The following TEX10 variants were observed in gnomAD, a reference collection of about 807,000 sequenced individuals.
The protein encoded by TEX10 is testis-expressed protein 10.
Under a neutral mutation model 104.4 loss-of-function variants are expected in TEX10, and 24 were observed. The ratio of observed to expected loss-of-function variants is 0.23; its 90% CI spans 0.17 to 0.32. The LOEUF (loss-of-function observed/expected upper bound fraction) is 0.32, where lower values mean the gene tolerates loss of function less well. TEX10 is among the 10% of genes least tolerant of loss of function. The pLI is 1.00. For synonymous variants in TEX10, 396 were observed against 393.4 expected (o/e 1.01, Z -0.08); for missense variants, 921 against 1,083.9 (o/e 0.85, Z 2.11).
In TEX10 at chr9:100,335,770, A is replaced by C. The variant is rs189327895; in HGVS notation, c.1250+4487T>G. 1.1e-3 allele frequency among the ~76,000 whole-genome samples: 165 copies of C among 152,230 alleles called. 1 individual carries two copies. The highest frequency in any genetic ancestry group is 5.9e-4 in the Non-Finnish European group (40 of 68,010). On this transcript the variant is annotated intron_variant, in intron 5 of 14. Transcript: ENST00000374902. ...TGAGATAGATGGTGATGATCACACAATATTGTGAAAGTACTTAATGCCACT... is the reference window on the plus strand; with the variant it reads ...TGAGATAGATGGTGATGATCACACACTATTGTGAAAGTACTTAATGCCACT...
rs751545895 is a variant in TEX10, at chr9:100,352,412, AAC to A, written c.-10+358_-10+359del. 3 of 1,551,640 alleles carry A rather than the reference AAC, an allele frequency of 1.9e-6. No individual in the cohort carries two copies. The African/African-American group carries it at 4.1e-5, about 21-fold the overall frequency. On this transcript the variant is annotated intron_variant, in intron 1 of 14. Coordinates refer to ENST00000374902, the MANE Select transcript of TEX10 (RefSeq NM_017746.4). ...CGGTCCTGCATCCATCCCAGAGGCGAACACACCATGGGTTTTAGGAAACCATC... is the reference window on the plus strand; with the variant it reads ...CGGTCCTGCATCCATCCCAGAGGCGAACACCATGGGTTTTAGGAAACCATC...
At chr9:100,346,577 T>A in intron 3 of TEX10, 117 bp downstream of exon 3, 1 of 1,143,200 alleles carries the variant, frequency 8.7e-7, no homozygotes, top group Non-Finnish European at 1.2e-6. Flanking sequence ...AAATCATGAG[T>A]AACTATATGA....
chr9:100,326,057 C>T (rs1834698300), intron 9 of TEX10, among the ~76,000 whole-genome samples: 2 of 152,154 alleles, frequency 1.3e-5, no homozygotes, highest in African/African-American at 4.8e-5. Context: ...TCCCTTACTA[C>T]ACACACTTTT....
rs755393653 is a variant in TEX10, at chr9:100,329,200, A to G, written c.1565T>C (p.Leu522Ser). 102 of 1,612,768 alleles carry G rather than the reference A, an allele frequency of 6.3e-5. No homozygotes were observed. Among genetic ancestry groups the G allele is most frequent in the Non-Finnish European group, 8.5e-5 (100 of 1,179,624 alleles). ...GATTTTACTGAAAAACTTCAATAACAAAGTCCGAACTGGAAGGATAAGGCC... is the reference window on the plus strand; with the variant it reads ...GATTTTACTGAAAAACTTCAATAACGAAGTCCGAACTGGAAGGATAAGGCC... ...QRGLILPVRT[L>S]LLKFFSKIYQ... Residue 522 changes from leucine to serine, a missense_variant, in exon 7 of 15, where the codon TTG becomes TCG. Coordinates refer to ENST00000374902, the MANE Select transcript of TEX10 (RefSeq NM_017746.4).
In TEX10 at chr9:100,303,824, G is replaced by A; in HGVS notation, c.2484C>T (p.Val828=). ...HLRKRDKLWG[V]CVSILALLPR... The stretch of plus-strand genomic sequence containing the variant: ...GCAAGAGAGCCAGGATGGAGACACA[G>A]ACCCCCCACAGCTTGTCCCTACAAT... The change falls in exon 14 of 15, where the codon GTC becomes GTT. Residue 828 remains valine, a synonymous_variant. Transcript: ENST00000374902. The A allele has an allele frequency of 6.2e-7, 1 of 1,614,010 alleles. No homozygotes were observed. The highest frequency in any genetic ancestry group is 8.5e-7 in the Non-Finnish European group (1 of 1,180,024).
intron 9 of TEX10, among the ~76,000 whole-genome samples, chr9:100,323,070 T>C (rs945672889): frequency 2.6e-5 from 4 of 152,132 alleles, no homozygotes; most frequent in Admixed American, 6.5e-5. Flanking sequence ...AAGTACAAAA[T>C]AGTGGTTGAA....
intron 5 of TEX10, among the ~76,000 whole-genome samples, chr9:100,338,914 T>G (rs1835084308): frequency 6.6e-6 from 1 of 151,794 alleles, no homozygotes; most frequent in Non-Finnish European, 1.5e-5. Flanking sequence ...TGTCGCAGTT[T>G]CTGTTTCATG....
intron 5 of TEX10, among the ~76,000 whole-genome samples, chr9:100,334,999 A>T (rs763219109): frequency 9.2e-5 from 14 of 151,992 alleles, no homozygotes; most frequent in Non-Finnish European, 1.8e-4. Context: ...AACATGTGCC[A>T]AACACCCAAA....
chr9:100,331,415 C>T (rs936952025), intron 5 of TEX10, among the ~76,000 whole-genome samples: 1 of 152,136 alleles, frequency 6.6e-6, no homozygotes. Flanking sequence ...CCAACCTGGG[C>T]AACAAAGAGA....
At chr9:100,339,956 A>G (rs940867415) in intron 5 of TEX10, among the ~76,000 whole-genome samples, 2 of 152,164 alleles carry the variant, frequency 1.3e-5, no homozygotes, top group African/African-American at 4.8e-5. Flanking sequence ...ATAATCACAC[A>G]GTGCCTCACC....
rs899923009 is a variant in TEX10 at position 100,329,053 on chromosome 9, A to T, written c.1625+87T>A. On this transcript the variant is annotated intron_variant, in intron 7 of 14. Transcript: ENST00000374902. ...TTAAAAAGAATGAACTTCTCCAAAG[A>T]TTTAATCTCTCTAAAATTATTTAAA... The T allele has an allele frequency of 5.2e-6, 7 of 1,347,860 alleles. No individual in the cohort carries two copies. The African/African-American group carries it at 8.9e-5, about 17-fold the overall frequency. The allele number at this position is 1,347,860 out of a possible 1,614,324, so 83.5% of individuals were successfully genotyped here. A position where few individuals can be genotyped will look rare whatever the true frequency, so the allele number is the denominator to read the frequency against.
chr9:100,326,648 T>C (rs1436005972), intron 8 of TEX10, among the ~76,000 whole-genome samples, 169 bp from the exon 9 acceptor site: 2 of 152,144 alleles, frequency 1.3e-5, no homozygotes, highest in East Asian at 3.8e-4. Context: ...AAAACACATA[T>C]GTATGGCTTG....
chr9:100,332,854 T>G (rs1488142989), intron 5 of TEX10, among the ~76,000 whole-genome samples: 5 of 150,892 alleles, frequency 3.3e-5, no homozygotes, highest in Non-Finnish European at 5.9e-5. Context: ...TAACTAGAAG[T>G]GCAAGATTCC....
intron 10 of TEX10, among the ~76,000 whole-genome samples, chr9:100,321,070 C>G (rs1375128264): frequency 6.6e-6 from 1 of 152,178 alleles, no homozygotes; most frequent in South Asian, 2.1e-4. Flanking sequence ...ATAGCCATGT[C>G]ATAGTACTGA....
chr9:100,318,660 C>T (rs1834485129), intron 11 of TEX10, among the ~76,000 whole-genome samples: 1 of 152,176 alleles, frequency 6.6e-6, no homozygotes. Context: ...TGAAACAAAT[C>T]TTTAGTATTA....
At chr9:100,338,347 AC>A (rs1159075062) in intron 5 of TEX10, among the ~76,000 whole-genome samples, 6 of 152,102 alleles carry the variant, frequency 3.9e-5, no homozygotes, top group African/African-American at 1.4e-4. Flanking sequence ...GCCAGCCAGC[AC>A]CCGCTTTTCA....
intron 1 of TEX10, 131 bp from the exon 2 acceptor site, chr9:100,349,503 T>A (rs974986288): frequency 5.1e-6 from 3 of 591,982 alleles, no homozygotes; most frequent in Admixed American, 8.1e-5. Context: ...TGCTGAAAGA[T>A]CAAAATATTA....
In TEX10 at chr9:100,352,817, C is replaced by G; in HGVS notation, c.-55G>C. ...GGGGCGAGAAGCCCGAGAAGACAAG[C>G]GAGGGAGCAGAAGCCCACGGGGCAA... On this transcript the variant is annotated 5_prime_UTR_variant, in exon 1 of 15. Coordinates refer to ENST00000374902, the MANE Select transcript of TEX10 (RefSeq NM_017746.4). 1 of 1,046,060 alleles carries G rather than the reference C, an allele frequency of 9.6e-7. No individual in the cohort carries two copies. The highest frequency in any genetic ancestry group is 1.1e-6 in the Non-Finnish European group (1 of 871,514). The allele number at this position is 1,046,060 out of a possible 1,614,324, so 64.8% of individuals were successfully genotyped here.
chr9:100,308,262 T>A (rs574141498), intron 13 of TEX10, among the ~76,000 whole-genome samples: 10 of 152,284 alleles, frequency 6.6e-5, no homozygotes, highest in African/African-American at 2.2e-4. Flanking sequence ...TATAATGCCA[T>A]CTAAGTTTTC....
Sources: allele counts gnomAD v4.1 joint callset (sites outside exome capture counted in the v4.1 genomes callset), GRCh38; gene constraint gnomAD v4.1.1; transcripts MANE v1.5; gene names NCBI Gene and HGNC (gene_info 2026-07-23, HGNC 2026-07-21).